The following NIPBL variants were observed in gnomAD, a reference collection of about 807,000 sequenced individuals.
NIPBL encodes the protein NIPBL cohesin loading factor.
NIPBL carries 19 observed loss-of-function variants against 321.8 expected under a neutral mutation model. The observed-to-expected ratio is 0.06, with a 90% CI of 0.04 to 0.09. The LOEUF (loss-of-function observed/expected upper bound fraction) is 0.09, where lower values mean the gene tolerates loss of function less well. Ranked by LOEUF, NIPBL falls within the 10% of genes least tolerant of loss-of-function variation. The pLI, the probability that NIPBL is intolerant of heterozygous loss-of-function variation, is 1.00. For synonymous variants in NIPBL, 1,106 were observed against 1,114.1 expected (o/e 0.99, Z 0.14); for missense variants, 2,210 against 3,327.0 (o/e 0.66, Z 8.26).
chr5:37,066,284 T>A lies in NIPBL; in HGVS notation c.*1392T>A, dbSNP rs904600139. ...TGTTTTACTTATTTTTAAATCACTT[T>A]GAAAAAATTGACCTCCAGAATGCTG... On this transcript the variant is annotated 3_prime_UTR_variant, in exon 47 of 47. Transcript: ENST00000282516. 1 of 152,300 alleles carries A rather than the reference T, an allele frequency of 6.6e-6. No individual in the cohort carries two copies. The highest frequency in any genetic ancestry group is 1.9e-4 in the East Asian group (1 of 5,194). The allele number at this position is 152,300 out of a possible 1,614,324, so 9.4% of individuals were successfully genotyped here. A position where few individuals can be genotyped will look rare whatever the true frequency, so the allele number is the denominator to read the frequency against.
chr5:37,025,453 G>A (rs995694247), intron 30 of NIPBL, among the ~76,000 whole-genome samples: 6 of 152,056 alleles, frequency 3.9e-5, no homozygotes, highest in African/African-American at 1.2e-4. Context: ...ATGCGTGGAA[G>A]CTTAAAAAAA....
chr5:37,061,910 C>T (rs566388362), intron 45 of NIPBL, among the ~76,000 whole-genome samples: 2 of 152,230 alleles, frequency 1.3e-5, no homozygotes, highest in African/African-American at 2.4e-5. Context: ...GGCGCGATCT[C>T]GGCTCACCGC....
intron 1 of NIPBL, among the ~76,000 whole-genome samples, chr5:36,878,711 G>T (rs1215863724): frequency 6.6e-6 from 1 of 152,172 alleles, no homozygotes; most frequent in Non-Finnish European, 1.5e-5. Flanking sequence ...TCCTGCAAAC[G>T]TACGGATAAA....
chr5:36,993,649 A>T (rs1561128844), intron 10 of NIPBL, among the ~76,000 whole-genome samples: 1 of 151,986 alleles, frequency 6.6e-6, no homozygotes, highest in Non-Finnish European at 1.5e-5. Flanking sequence ...TAAGCAAAAC[A>T]CTTAGGTACA....
chr5:36,985,184 A>T lies in NIPBL; in HGVS notation c.2004A>T (p.Ile668=). ...TTECKQNEST[I]VEPKQNENRL... ...AATGCAAACAAAACGAGAGCACCAT[A>T]GTTGAGCCTAAACAAAATGAAAATA... The change falls in exon 10 of 47, where the codon ATA becomes ATT. Residue 668 remains isoleucine (I), a synonymous_variant. Coordinates refer to ENST00000282516, the MANE Select transcript of NIPBL (RefSeq NM_133433.4). 6.2e-7 allele frequency: 1 copy of T among 1,614,000 alleles called. No homozygotes were observed. The highest frequency in any genetic ancestry group is 8.5e-7 in the Non-Finnish European group (1 of 1,179,978).
chr5:36,894,893 T>C (rs941156791), intron 1 of NIPBL, among the ~76,000 whole-genome samples: 1 of 152,228 alleles, frequency 6.6e-6, no homozygotes, highest in African/African-American at 2.4e-5. Flanking sequence ...GAGGACACAG[T>C]CTGCCTGTGG....
chr5:36,959,613 AAT>A (rs1401992334), intron 4 of NIPBL, among the ~76,000 whole-genome samples: 1 of 152,204 alleles, frequency 6.6e-6, no homozygotes, highest in Non-Finnish European at 1.5e-5. Flanking sequence ...AAGAAAGACT[AAT>A]AGAGTAGGAG....
chr5:37,021,053 C>CT (rs1259013041), intron 27 of NIPBL, among the ~76,000 whole-genome samples, 176 bp downstream of exon 27: 2 of 152,268 alleles, frequency 1.3e-5, no homozygotes, highest in African/African-American at 4.8e-5. Flanking sequence ...AATCCCAACA[C>CT]TTTGGGAAGC....
intron 1 of NIPBL, among the ~76,000 whole-genome samples, chr5:36,891,739 T>C (rs1401262495): frequency 6.6e-6 from 1 of 152,166 alleles, no homozygotes; most frequent in Non-Finnish European, 1.5e-5. Flanking sequence ...GTATGTTTTA[T>C]GCATATGTAA....
chr5:36,926,911 T>A (rs963113674), intron 1 of NIPBL, among the ~76,000 whole-genome samples: 1 of 152,194 alleles, frequency 6.6e-6, no homozygotes, highest in Non-Finnish European at 1.5e-5. Flanking sequence ...TGTATTTTTT[T>A]ACCGGGAACA....
rs371336448 is a variant in NIPBL at position 37,052,469 on chromosome 5, G to T, written c.7166G>T (p.Ser2389Ile). The change falls in exon 42 of 47, where the codon AGC becomes ATC. Residue 2389 changes from serine to isoleucine, a missense_variant. Ser to Ile is a moderately radical substitution (Grantham distance 142). Transcript: ENST00000282516. ...GGTTTCAGACAAGACGAGTCCTCTA[G>T]CGCTTTGTGTTCACACCTTTACTCC... Reference protein sequence around the residue: ...VRGFRQDESSSALCSHLYSMI... With the variant: ...VRGFRQDESSIALCSHLYSMI... 4 of 1,613,958 alleles carry T rather than the reference G, an allele frequency of 2.5e-6. No homozygotes were observed. The highest frequency in any genetic ancestry group is 3.4e-6 in the Non-Finnish European group (4 of 1,180,000).
At chr5:36,902,723 C>A (rs1299472208) in intron 1 of NIPBL, among the ~76,000 whole-genome samples, 1 of 151,914 alleles carries the variant, frequency 6.6e-6, no homozygotes, top group Admixed American at 6.6e-5. Flanking sequence ...TTTGGCTATT[C>A]GGGCTCTTTT....
intron 10 of NIPBL, among the ~76,000 whole-genome samples, chr5:36,988,538 T>A (rs1243504619): frequency 6.6e-6 from 1 of 152,094 alleles, no homozygotes; most frequent in Admixed American, 6.5e-5. Context: ...TGGTTTTGTT[T>A]TAGATTTTTG....
At chr5:36,911,025 A>G (rs1410860309) in intron 1 of NIPBL, among the ~76,000 whole-genome samples, 6 of 152,196 alleles carry the variant, frequency 3.9e-5, no homozygotes. Context: ...CAGTTGAATT[A>G]AGAGGAAAAA....
chr5:36,926,633 C>G (rs979345534), intron 1 of NIPBL, among the ~76,000 whole-genome samples: 7 of 152,152 alleles, frequency 4.6e-5, no homozygotes, highest in Admixed American at 1.3e-4. Context: ...ATTCACCATG[C>G]ATGTCACAAA....
rs147532293 is a variant in NIPBL at position 36,984,996 on chromosome 5, C to T, written c.1816C>T (p.Pro606Ser). 1 of 1,613,762 alleles carries T rather than the reference C, an allele frequency of 6.2e-7. No individual in the cohort carries two copies. Among genetic ancestry groups the T allele is most frequent in the Non-Finnish European group, 8.5e-7 (1 of 1,179,932 alleles). The change falls in exon 10 of 47, where the codon CCT becomes TCT. Residue 606 changes from proline to serine, a missense_variant. Transcript: ENST00000282516. Reference protein sequence around the residue: ...HPETPKKKSDPELSKSEMKQS... With the variant: ...HPETPKKKSDSELSKSEMKQS... ...TGAGACACCTAAAAAAAAGTCTGAT[C>T]CTGAGCTTTCAAAGAGTGAAATGAA...
At chr5:36,885,346 C>T (rs548504635) in intron 1 of NIPBL, 47 of 478,738 alleles carry the variant, frequency 9.8e-5, no homozygotes, top group East Asian at 9.2e-4. Flanking sequence ...CGCGGATCTC[C>T]GTGTCCTGTT....
intron 1 of NIPBL, among the ~76,000 whole-genome samples, chr5:36,912,254 T>A (rs1029527866): frequency 6.6e-6 from 1 of 152,122 alleles, no homozygotes; most frequent in Non-Finnish European, 1.5e-5. Flanking sequence ...GCTTTAGAGA[T>A]TGAAGTGCTG....
intron 1 of NIPBL, among the ~76,000 whole-genome samples, chr5:36,919,762 C>G (rs1748776468): frequency 6.6e-6 from 1 of 152,066 alleles, no homozygotes; most frequent in African/African-American, 2.4e-5. Flanking sequence ...TAATGAAAAA[C>G]CTCTGATATT....
Sources: allele counts gnomAD v4.1 joint callset (sites outside exome capture counted in the v4.1 genomes callset), GRCh38; gene constraint gnomAD v4.1.1; transcripts MANE v1.5; gene names NCBI Gene and HGNC (gene_info 2026-07-23, HGNC 2026-07-21).